SLC22A4: variants seen among roughly 807,000 people sequenced by gnomAD.
The protein encoded by SLC22A4 is solute carrier family 22 member 4.
A neutral mutation model predicts 56.6 loss-of-function variants in SLC22A4; 39 were observed. The observed-to-expected ratio is 0.69, with a 90% CI of 0.53 to 0.90. The LOEUF is 0.90. Among genes scored for constraint, SLC22A4 ranks in the 40% least tolerant of loss-of-function variants. The pLI, the probability that SLC22A4 is intolerant of heterozygous loss-of-function variation, is 0.00. For missense variants in SLC22A4, 594 were observed against 696.5 expected, an observed-to-expected ratio of 0.85 and a Z score of 1.66; for synonymous variants, 241 against 281.4, an observed-to-expected ratio of 0.86 and a Z score of 1.44.
In SLC22A4 at chr5:132,311,033, G is replaced by A. The variant is rs539952810; in HGVS notation, c.394-1128G>A. On this transcript the variant is annotated intron_variant, in intron 1 of 9. Transcript: ENST00000200652. Reference sequence around the variant, plus strand: ...TTTTTGTTTTACATTTTTCTCTTGTGTGTGTCTTTATAAACACCTCTGTCT... The same window carrying A: ...TTTTTGTTTTACATTTTTCTCTTGTATGTGTCTTTATAAACACCTCTGTCT... Among the ~76,000 whole-genome samples the A allele has an allele frequency of 3.5e-4, 54 of 152,232 alleles. 1 individual carries two copies. Among genetic ancestry groups the A allele is most frequent in the African/African-American group, 1.2e-3 (50 of 41,540 alleles).
chr5:132,334,060 C>T (rs926146067), intron 6 of SLC22A4, among the ~76,000 whole-genome samples: 2 of 152,122 alleles, frequency 1.3e-5, no homozygotes, highest in East Asian at 1.9e-4. Context: ...TTGCCTGCCT[C>T]GGTCTCCCAA....
chr5:132,299,729 C>T (rs1451141039), intron 1 of SLC22A4, among the ~76,000 whole-genome samples: 1 of 152,202 alleles, frequency 6.6e-6, no homozygotes, highest in Admixed American at 6.5e-5. Flanking sequence ...GTTGGGATTA[C>T]AGGCGTGAGC....
intron 3 of SLC22A4, 74 bp from the exon 4 acceptor site, chr5:132,322,110 C>A: frequency 7.5e-7 from 1 of 1,340,830 alleles, no homozygotes; most frequent in Non-Finnish European, 1.1e-6. Flanking sequence ...TGAACTCTAA[C>A]TGCCACATAA....
intron 4 of SLC22A4, 126 bp from the exon 5 acceptor site, chr5:132,327,151 G>A: frequency 1.4e-6 from 1 of 706,450 alleles, no homozygotes; most frequent in South Asian, 2.1e-5. Context: ...GAAATCTTAT[G>A]TGGACTCCCT....
At chr5:132,332,066 C>A (rs1750873661) in intron 6 of SLC22A4, 2 of 504,946 alleles carry the variant, frequency 4.0e-6, no homozygotes, top group African/African-American at 1.9e-5. Context: ...GTAATTCCAG[C>A]ACTTTGGGAG....
At chr5:132,300,523 C>T (rs954304654) in intron 1 of SLC22A4, among the ~76,000 whole-genome samples, 1 of 152,160 alleles carries the variant, frequency 6.6e-6, no homozygotes, top group African/African-American at 2.4e-5. Flanking sequence ...AAGAGCTTCC[C>T]CTCCACATCT....
chr5:132,307,588 G>A (rs1232326555), intron 1 of SLC22A4, among the ~76,000 whole-genome samples: 3 of 152,266 alleles, frequency 2.0e-5, no homozygotes, highest in South Asian at 4.2e-4. Context: ...GGTAGAAAGG[G>A]AACTACCATT....
At chr5:132,338,072 A>G (rs978235782) in intron 8 of SLC22A4, among the ~76,000 whole-genome samples, 6 of 152,078 alleles carry the variant, frequency 3.9e-5, no homozygotes, top group Non-Finnish European at 1.5e-5. Context: ...AATGGTGTAT[A>G]TCGGGCAAAA....
intron 1 of SLC22A4, among the ~76,000 whole-genome samples, chr5:132,299,398 TATTTTATTTTA>T (rs1164084403): frequency 3.6e-4 from 47 of 130,096 alleles, no homozygotes; most frequent in African/African-American, 1.2e-3. Flanking sequence ...TTTTTCGTTT[TATTTTATTTTA>T]TTTTATTTTA....
At chr5:132,324,181 A>C (rs1257765941) in intron 4 of SLC22A4, among the ~76,000 whole-genome samples, 1 of 151,992 alleles carries the variant, frequency 6.6e-6, no homozygotes, top group Non-Finnish European at 1.5e-5. Flanking sequence ...ATAGAATGAG[A>C]TGCTGTCTCA....
At chr5:132,299,554 C>T (rs926510270) in intron 1 of SLC22A4, among the ~76,000 whole-genome samples, 3 of 151,990 alleles carry the variant, frequency 2.0e-5, no homozygotes, top group Non-Finnish European at 2.9e-5. Flanking sequence ...CTCAGCCTCC[C>T]GAGTAGCTGG....
Position 132,330,767 on chromosome 5 carries a change from A to G in SLC22A4, c.952-989A>G, listed in dbSNP as rs1750834631. On this transcript the variant is annotated intron_variant, in intron 5 of 9. Coordinates refer to ENST00000200652, the MANE Select transcript of SLC22A4 (RefSeq NM_003059.3). The stretch of plus-strand genomic sequence containing the variant: ...AAATAAATATAAATAAAAGTAAAAG[A>G]GTATAAACCCATTGATAGCAGTAAG... Among the ~76,000 whole-genome samples the G allele has an allele frequency of 2.6e-5, 4 of 152,110 alleles. No homozygotes were observed. The South Asian group carries it at 8.3e-4, about 31-fold the overall frequency.
chr5:132,298,484 T>A (rs1019773738), intron 1 of SLC22A4, among the ~76,000 whole-genome samples: 1 of 152,222 alleles, frequency 6.6e-6, no homozygotes, highest in Non-Finnish European at 1.5e-5. Context: ...GGAGTCGTTG[T>A]TTCATGGGTA....
At chr5:132,339,765 G>A (rs1237165472) in intron 8 of SLC22A4, among the ~76,000 whole-genome samples, 3 of 152,142 alleles carry the variant, frequency 2.0e-5, no homozygotes, top group Non-Finnish European at 2.9e-5. Context: ...AGCTACTCCT[G>A]TTAGTGACAC....
intron 4 of SLC22A4, among the ~76,000 whole-genome samples, chr5:132,323,201 G>C (rs1750594851): frequency 6.6e-6 from 1 of 152,138 alleles, no homozygotes; most frequent in African/African-American, 2.4e-5. Flanking sequence ...AGCACTGACT[G>C]GTTTCACCGA....
At chr5:132,314,530 A>G (rs1345530504) in intron 3 of SLC22A4, among the ~76,000 whole-genome samples, 2 of 152,230 alleles carry the variant, frequency 1.3e-5, no homozygotes, top group African/African-American at 4.8e-5. Flanking sequence ...TCCCTGGGAC[A>G]GTAGACACCA....
In SLC22A4 at chr5:132,312,258, C is replaced by CA. The variant is rs752780765; in HGVS notation, c.492dup (p.Asp165ArgfsTer115). On this transcript the variant is annotated frameshift_variant, in exon 2 of 10. Transcript: ENST00000200652. LOFTEE classifies it high-confidence loss of function. ...GGCTCCTTCGTGTCCGGGCAGCTGT[C>CA]AGACAGGTAAGCACATGGGAGGGGA... is the stretch of plus-strand genomic sequence containing the variant. 6.2e-7 allele frequency: 1 copy of CA among 1,608,416 alleles called. No homozygotes were observed. Among genetic ancestry groups the CA allele is most frequent in the Non-Finnish European group, 8.5e-7 (1 of 1,174,834 alleles).
intron 8 of SLC22A4, among the ~76,000 whole-genome samples, chr5:132,338,884 C>T (rs1321438944): frequency 3.3e-5 from 5 of 152,022 alleles, no homozygotes; most frequent in African/African-American, 7.2e-5. Flanking sequence ...GGTCCTGAGG[C>T]GACATACATC....
chr5:132,334,387 CAA>C (rs1211155277), intron 6 of SLC22A4, among the ~76,000 whole-genome samples: 1 of 152,136 alleles, frequency 6.6e-6, no homozygotes, highest in Admixed American at 6.5e-5. Flanking sequence ...AACTTGAAAT[CAA>C]CTAGCTGAGA....
Sources: allele counts gnomAD v4.1 joint callset (sites outside exome capture counted in the v4.1 genomes callset), GRCh38; gene constraint gnomAD v4.1.1; transcripts MANE v1.5; gene names NCBI Gene and HGNC (gene_info 2026-07-23, HGNC 2026-07-21).